Variants in DNAH7 observed in about 807,000 individuals in gnomAD.
DNAH7 encodes the protein dynein axonemal heavy chain 7.
DNAH7 carries 397 observed loss-of-function variants against 444.6 expected under a neutral mutation model. The ratio of observed to expected loss-of-function variants is 0.89; its 90% confidence interval spans 0.82 to 0.97. The LOEUF (loss-of-function observed/expected upper bound fraction) is 0.97. Ranked by LOEUF, DNAH7 falls within the 50% of genes least tolerant of loss-of-function variation. The pLI is 0.00. For synonymous variants in DNAH7, 1,636 were observed against 1,624.4 expected, an observed-to-expected ratio of 1.01 and a Z score of -0.17; for missense variants, 4,902 against 4,800.8, an observed-to-expected ratio of 1.02 and a Z score of -0.62.
chr2:196,047,246 C>T (rs937464787), intron 5 of DNAH7, 106 bp downstream of exon 5: 2 of 999,978 alleles, frequency 2.0e-6, no homozygotes, highest in Admixed American at 3.0e-5. Flanking sequence ...TTCCAACAAG[C>T]CTTTGAGGCA....
In DNAH7 at chr2:195,777,989, A is replaced by G. The variant is rs779505965; in HGVS notation, c.10879-4T>C. The G allele has an allele frequency of 1.9e-6, 3 of 1,595,514 alleles. No individual in the cohort carries two copies. The South Asian group carries it at 3.4e-5, about 18-fold the overall frequency. ...GCAGAGCCTCATACGGCAGTTCCTA[A>G]AATAGTGCGTGTCAGTCAACCAGTT... On this transcript the variant is annotated splice_polypyrimidine_tract_variant and splice_region_variant and intron_variant, in intron 58 of 64. Coordinates refer to ENST00000312428, the MANE Select transcript of DNAH7 (RefSeq NM_018897.3).
At chr2:196,050,530 A>G (rs756533434) in intron 3 of DNAH7, among the ~76,000 whole-genome samples, 5 of 152,184 alleles carry the variant, frequency 3.3e-5, no homozygotes, top group Non-Finnish European at 4.4e-5. Flanking sequence ...TTAAAAAATA[A>G]TAATATTTGC....
chr2:195,857,625 G>A lies in DNAH7; in HGVS notation c.8166C>T (p.Ile2722=). Residue 2722 remains isoleucine, a synonymous_variant, in exon 44 of 65, where the codon ATC becomes ATT. Coordinates refer to ENST00000312428, the MANE Select transcript of DNAH7 (RefSeq NM_018897.3). ...TTTTCCCTGAACCTGTTGGGTCAGG[G>A]ATTTTGTCAGCTTTGATTCCTTTCA... The part of the protein sequence containing the change: ...CILKGIKADK[I]PDPTGSGKKI... 2 of 1,613,902 alleles carry A rather than the reference G, an allele frequency of 1.2e-6. No individual in the cohort carries two copies. Among genetic ancestry groups the A allele is most frequent in the South Asian group, 1.1e-5 (1 of 91,068 alleles).
At chr2:195,816,517 G>C (rs1697225358) in intron 51 of DNAH7, 111 bp downstream of exon 51, 3 of 754,500 alleles carry the variant, frequency 4.0e-6, no homozygotes, top group South Asian at 4.0e-5. Context: ...GTTCATTTTA[G>C]GTAAGTGGCT....
In DNAH7 at chr2:195,808,759, C is replaced by A; in HGVS notation, c.10006G>T (p.Asp3336Tyr). The A allele has an allele frequency of 6.2e-7, 1 of 1,614,016 alleles. No individual in the cohort carries two copies. The highest frequency in any genetic ancestry group is 8.5e-7 in the Non-Finnish European group (1 of 1,179,946). ...CGAATGGTTTTGAAGGCAGGCAAAT[C>A]ATCTAATCGACATATTTCATCCCAG... Reference protein sequence around the residue: ...KSWDEICRLDDLPAFKTIRRE... With the variant: ...KSWDEICRLDYLPAFKTIRRE... The change falls in exon 53 of 65, where the codon GAT (aspartate) becomes TAT (tyrosine). Residue 3336 changes from aspartate (D) to tyrosine (Y), a missense_variant. Asp to Tyr is a radical substitution (Grantham distance 160). Coordinates refer to ENST00000312428, the MANE Select transcript of DNAH7 (RefSeq NM_018897.3).
intron 11 of DNAH7, among the ~76,000 whole-genome samples, chr2:196,001,315 A>T (rs1265404795): frequency 6.6e-6 from 1 of 152,136 alleles, no homozygotes; most frequent in Non-Finnish European, 1.5e-5. Flanking sequence ...AATTTTCACT[A>T]ATCTTATCTC....
chr2:196,003,396 T>G (rs1320642325), intron 10 of DNAH7, among the ~76,000 whole-genome samples: 3 of 152,178 alleles, frequency 2.0e-5, no homozygotes, highest in Non-Finnish European at 2.9e-5. Flanking sequence ...ATACGATGTA[T>G]TTTAAAAAGT....
intron 58 of DNAH7, among the ~76,000 whole-genome samples, chr2:195,784,637 T>C (rs1267553337): frequency 2.0e-5 from 3 of 152,190 alleles, no homozygotes; most frequent in Non-Finnish European, 1.5e-5. Flanking sequence ...CTGGATCATA[T>C]GGTAAAAGGA....
chr2:195,823,273 C>G (rs1697558280), intron 49 of DNAH7, among the ~76,000 whole-genome samples: 2 of 152,206 alleles, frequency 1.3e-5, no homozygotes, highest in African/African-American at 4.8e-5. Context: ...CCCTAGTCTT[C>G]CTGACATCCC....
chr2:195,998,420 A>G (rs1020828815), intron 12 of DNAH7, among the ~76,000 whole-genome samples: 3 of 152,114 alleles, frequency 2.0e-5, no homozygotes, highest in African/African-American at 4.8e-5. Context: ...CTAAAAATAC[A>G]AAAAATAGCC....
chr2:195,934,011 C>G (rs968743522), intron 21 of DNAH7, among the ~76,000 whole-genome samples: 2 of 149,978 alleles, frequency 1.3e-5, no homozygotes, highest in African/African-American at 5.0e-5. Flanking sequence ...TAAGCTCACA[C>G]TACAGTAAAA....
chr2:196,019,330 A>G (rs1209022198), intron 8 of DNAH7, 35 bp from the exon 9 acceptor site: 1 of 1,436,872 alleles, frequency 7.0e-7, no homozygotes, highest in South Asian at 1.7e-5. Context: ...TACAGTCTCA[A>G]AAAAAGTATT....
At chr2:195,846,147 G>A (rs1038405113) in intron 46 of DNAH7, among the ~76,000 whole-genome samples, 4 of 151,920 alleles carry the variant, frequency 2.6e-5, no homozygotes, top group East Asian at 1.9e-4. Flanking sequence ...CATAAGGAAC[G>A]TAAACAAATT....
At chr2:196,001,018 C>G in intron 11 of DNAH7, 135 bp from the exon 12 acceptor site, 1 of 619,998 alleles carries the variant, frequency 1.6e-6, no homozygotes, top group Non-Finnish European at 2.5e-6. Context: ...CAAGGAGGAG[C>G]TCTAATAAAA....
At chr2:196,029,968 A>G (rs1004210741) in intron 5 of DNAH7, among the ~76,000 whole-genome samples, 19 of 152,216 alleles carry the variant, frequency 1.2e-4, no homozygotes, top group Non-Finnish European at 2.8e-4. Context: ...AAATAATTTT[A>G]ACCCATTAAT....
Position 195,771,837 on chromosome 2 carries a change from G to T in DNAH7, c.11256C>A (p.Val3752=). 1 of 1,614,136 alleles carries T rather than the reference G, an allele frequency of 6.2e-7. No homozygotes were observed. The highest frequency in any genetic ancestry group is 1.1e-5 in the South Asian group (1 of 91,072). ...GAAGTTTGCCCAAGATGTCACTAGC[G>T]ACCTCATTCACTACTTCATCTGATG... ...AKSSDEVVNE[V]ASDILGKLPN... Residue 3752 remains valine, a synonymous_variant, in exon 61 of 65, where the codon GTC becomes GTA. Transcript: ENST00000312428.
At chr2:195,764,323 G>A (rs1694475639) in intron 61 of DNAH7, among the ~76,000 whole-genome samples, 1 of 152,012 alleles carries the variant, frequency 6.6e-6, no homozygotes, top group African/African-American at 2.4e-5. Flanking sequence ...CCTCTTAGAT[G>A]TGGAAAATAA....
intron 35 of DNAH7, among the ~76,000 whole-genome samples, chr2:195,883,445 C>T (rs113770906): frequency 0.012 from 1,697 of 142,276 alleles, 26 homozygotes; most frequent in Non-Finnish European, 0.018. Context: ...GAGACTCAGT[C>T]CCCGCTCCCC....
At position 196,048,366 on chromosome 2, in the gene DNAH7, T is replaced by C; in HGVS notation, c.180A>G (p.Ser60=). Residue 60 remains serine, a synonymous_variant, in exon 4 of 65, where the codon TCA becomes TCG. Transcript: ENST00000312428. ...TKPHWQQAAP[S]FHLSVKQDDE... ...CATCCTGCTTTACACTCAAATGGAATGATGGAGCTGCCTGCTGCCAGTGGG... is the reference window on the plus strand; with the variant it reads ...CATCCTGCTTTACACTCAAATGGAACGATGGAGCTGCCTGCTGCCAGTGGG... The C allele has an allele frequency of 6.2e-7, 1 of 1,614,042 alleles. No individual in the cohort carries two copies. Among genetic ancestry groups the C allele is most frequent in the Non-Finnish European group, 8.5e-7 (1 of 1,179,934 alleles).
Sources: gnomAD v4.1 joint callset for allele counts (sites outside exome capture counted in the v4.1 genomes callset) on GRCh38, gnomAD v4.1.1 for gene constraint, MANE v1.5 for transcripts, NCBI Gene and HGNC (gene_info 2026-07-23, HGNC 2026-07-21) for gene names.